CTNND2: variants seen among roughly 807,000 people sequenced by gnomAD.
CTNND2 encodes catenin delta-2.
CTNND2 carries 22 observed loss-of-function variants against 144.4 expected under a neutral mutation model. That is an observed-to-expected ratio of 0.15 (90% CI 0.11 to 0.22). The LOEUF is 0.22. CTNND2 is among the 10% of genes least tolerant of loss of function. CTNND2 has a pLI of 1.00. For missense variants in CTNND2, 1,353 were observed against 1,618.8 expected, an observed-to-expected ratio of 0.84 and a Z score of 2.82; for synonymous variants, 751 against 695.6, an observed-to-expected ratio of 1.08 and a Z score of -1.25.
intron 3 of CTNND2, among the ~76,000 whole-genome samples, chr5:11,547,190 C>A (rs1303807083): frequency 1.3e-5 from 2 of 151,854 alleles, no homozygotes; most frequent in African/African-American, 2.4e-5. Context: ...ATTGCTTTAA[C>A]CCTGGAGGCG....
chr5:11,573,557 T>C (rs1031018190), intron 2 of CTNND2, among the ~76,000 whole-genome samples: 7 of 152,094 alleles, frequency 4.6e-5, no homozygotes, highest in Admixed American at 1.3e-4. Context: ...GAACAAGCCA[T>C]GATGTCAAGA....
chr5:11,814,065 CAT>C (rs1217646055), intron 1 of CTNND2, among the ~76,000 whole-genome samples: 1 of 152,132 alleles, frequency 6.6e-6, no homozygotes, highest in African/African-American at 2.4e-5. Flanking sequence ...ACGTACCTGA[CAT>C]ATATTTTCAT....
intron 1 of CTNND2, among the ~76,000 whole-genome samples, chr5:11,837,896 A>G (rs1386231617): frequency 1.3e-5 from 2 of 152,188 alleles, no homozygotes; most frequent in African/African-American, 4.8e-5. Flanking sequence ...TCTGAAAACA[A>G]TCAAATGTAT....
intron 10 of CTNND2, among the ~76,000 whole-genome samples, chr5:11,206,588 A>C (rs989955182): frequency 2.0e-5 from 3 of 152,356 alleles, no homozygotes; most frequent in Admixed American, 6.5e-5. Flanking sequence ...ATCACAAAGC[A>C]TTGACAATTA....
intron 9 of CTNND2, among the ~76,000 whole-genome samples, chr5:11,264,523 T>C (rs1047648056): frequency 6.6e-6 from 1 of 152,156 alleles, no homozygotes; most frequent in Non-Finnish European, 1.5e-5. Context: ...AATCACACAG[T>C]GAATACAGGG....
intron 9 of CTNND2, among the ~76,000 whole-genome samples, chr5:11,278,058 T>C (rs1040472703): frequency 6.6e-6 from 1 of 152,190 alleles, no homozygotes; most frequent in Admixed American, 6.5e-5. Flanking sequence ...CTCCAACACA[T>C]TCTCTAAAAA....
intron 3 of CTNND2, among the ~76,000 whole-genome samples, chr5:11,440,185 T>C (rs1283487332): frequency 6.6e-6 from 1 of 152,218 alleles, no homozygotes; most frequent in Non-Finnish European, 1.5e-5. Context: ...AACATATTCC[T>C]TTTCATCTCC....
chr5:11,752,251 G>T (rs1017846750), intron 1 of CTNND2, among the ~76,000 whole-genome samples: 2 of 151,778 alleles, frequency 1.3e-5, no homozygotes, highest in African/African-American at 4.8e-5. Flanking sequence ...ATTGCTTTTG[G>T]TGTCTCCATC....
At chr5:11,611,456 T>C (rs944815762) in intron 2 of CTNND2, among the ~76,000 whole-genome samples, 3 of 152,188 alleles carry the variant, frequency 2.0e-5, no homozygotes, top group Non-Finnish European at 2.9e-5. Context: ...AGTCTACATA[T>C]CTTCCCTTTA....
intron 5 of CTNND2, among the ~76,000 whole-genome samples, chr5:11,410,944 T>C (rs1048667594): frequency 2.0e-5 from 3 of 151,858 alleles, no homozygotes; most frequent in African/African-American, 7.3e-5. Context: ...CAATCTCGGC[T>C]CACTGCAACC....
At chr5:10,999,741 CA>C (rs1739728841) in intron 18 of CTNND2, among the ~76,000 whole-genome samples, 1 of 151,998 alleles carries the variant, frequency 6.6e-6, no homozygotes, top group Non-Finnish European at 1.5e-5. Context: ...GATAGAAATC[CA>C]AAAAAGAAGA....
intron 5 of CTNND2, among the ~76,000 whole-genome samples, chr5:11,411,082 C>G (rs1761492180): frequency 6.6e-6 from 1 of 151,952 alleles, no homozygotes; most frequent in Non-Finnish European, 1.5e-5. Context: ...CCATATTGGC[C>G]AGGCTGGTCT....
chr5:11,195,891 T>C (rs531983868), intron 11 of CTNND2, among the ~76,000 whole-genome samples: 10 of 152,308 alleles, frequency 6.6e-5, no homozygotes, highest in South Asian at 4.1e-4. Flanking sequence ...ATAGCTTCGA[T>C]TGGATTTAAA....
chr5:11,813,237 G>A (rs1792435589), intron 1 of CTNND2, among the ~76,000 whole-genome samples: 1 of 152,132 alleles, frequency 6.6e-6, no homozygotes, highest in Non-Finnish European at 1.5e-5. Flanking sequence ...GGGCCATACA[G>A]GCTGTACCAA....
chr5:11,489,613 C>G (rs888972371), intron 3 of CTNND2, among the ~76,000 whole-genome samples: 1 of 152,160 alleles, frequency 6.6e-6, no homozygotes, highest in African/African-American at 2.4e-5. Flanking sequence ...TTGGGAGATG[C>G]ATTCTCCTGG....
At chr5:11,122,967 C>T (rs970187332) in intron 12 of CTNND2, among the ~76,000 whole-genome samples, 3 of 151,994 alleles carry the variant, frequency 2.0e-5, no homozygotes, top group Admixed American at 6.6e-5. Flanking sequence ...GGCCTCTGGA[C>T]GCTTGACCAA....
chr5:11,840,674 G>A (rs1561848730), intron 1 of CTNND2, among the ~76,000 whole-genome samples: 1 of 152,086 alleles, frequency 6.6e-6, no homozygotes, highest in Non-Finnish European at 1.5e-5. Flanking sequence ...AGGAATTCAT[G>A]CTGTTTAGAG....
chr5:11,638,038 G>A (rs1474215461), intron 2 of CTNND2, among the ~76,000 whole-genome samples: 4 of 152,062 alleles, frequency 2.6e-5, no homozygotes, highest in Non-Finnish European at 5.9e-5. Context: ...TTTTCATCAC[G>A]TAAATTAGCT....
chr5:11,567,475 G>C (rs909461992), intron 2 of CTNND2, among the ~76,000 whole-genome samples: 6 of 151,918 alleles, frequency 3.9e-5, no homozygotes, highest in African/African-American at 1.5e-4. Flanking sequence ...CTCCAATTAA[G>C]TGCATTTTAG....
Sources: gnomAD v4.1 joint callset for allele counts (sites outside exome capture counted in the v4.1 genomes callset) on GRCh38, gnomAD v4.1.1 for gene constraint, MANE v1.5 for transcripts, NCBI Gene and HGNC (gene_info 2026-07-23, HGNC 2026-07-21) for gene names.